Variants in PRDM15 observed in about 807,000 individuals in gnomAD.
PRDM15 encodes the protein PR/SET domain 15.
A neutral mutation model predicts 128.6 loss-of-function variants in PRDM15; 64 were observed. That is an observed-to-expected ratio of 0.50 (90% CI 0.41 to 0.61). PRDM15 has a LOEUF of 0.61. PRDM15 is among the 20% of genes least tolerant of loss of function. The probability of loss-of-function intolerance (pLI) is 0.00; values close to 1 mark genes in which losing one functional copy is unlikely to be tolerated. For missense variants in PRDM15, 1,242 were observed against 1,569.1 expected, an observed-to-expected ratio of 0.79 and a Z score of 3.52; for synonymous variants, 615 against 621.8, an observed-to-expected ratio of 0.99 and a Z score of 0.16.
At chr21:41,843,950 TA>T (rs1555883669) in intron 6 of PRDM15, among the ~76,000 whole-genome samples, 16,630 of 122,994 alleles carry the variant, frequency 0.14, 1,216 homozygotes, top group East Asian at 0.24. Context: ...CCTTGTATTG[TA>T]AAAAAAAAAA....
At chr21:41,855,789 C>T (rs1185147162) in intron 4 of PRDM15, among the ~76,000 whole-genome samples, 4 of 152,222 alleles carry the variant, frequency 2.6e-5, no homozygotes, top group South Asian at 2.1e-4. Flanking sequence ...CTGTGTACGT[C>T]GACCGGATGG....
At chr21:41,837,205 A>G (rs2062923676) in intron 8 of PRDM15, among the ~76,000 whole-genome samples, 1 of 152,248 alleles carries the variant, frequency 6.6e-6, no homozygotes, top group Non-Finnish European at 1.5e-5. Flanking sequence ...GGTAAAAATG[A>G]CCCAAGAATC....
intron 1 of PRDM15, among the ~76,000 whole-genome samples, chr21:41,875,894 T>C (rs1466608989): frequency 2.0e-5 from 3 of 152,188 alleles, no homozygotes; most frequent in South Asian, 2.1e-4. Flanking sequence ...CTATGGGATT[T>C]TGTAGTTGTG....
intron 11 of PRDM15, chr21:41,834,601 C>A (rs4920074): frequency 9.9e-6 from 15 of 1,509,734 alleles, no homozygotes; most frequent in Non-Finnish European, 1.3e-5. Context: ...CAGTGACTCA[C>A]CCCTCTGTGC....
chr21:41,866,777 C>T (rs2064022833), intron 1 of PRDM15, among the ~76,000 whole-genome samples: 1 of 152,202 alleles, frequency 6.6e-6, no homozygotes, highest in African/African-American at 2.4e-5. Context: ...AACGCTTCCC[C>T]CCTTCCACAC....
At position 41,839,818 on chromosome 21, in the gene PRDM15, G is replaced by C. The variant is rs1240550534; in HGVS notation, c.676C>G (p.Leu226Val). Residue 226 changes from leucine (L) to valine (V), a missense_variant, in exon 7 of 24, where the codon CTT (leucine) becomes GTT (valine). Leu to Val is a conservative substitution (Grantham distance 32, BLOSUM62 1). Transcript: ENST00000398548. ...LLGHLEQAKS[L>V]PPGSQSEAAA... The stretch of plus-strand genomic sequence containing the variant: ...GCCTCGCTTTGGCTGCCTGGAGGAA[G>C]GCTTTTGGCTTGTTCTAAGTGGCCC... The C allele has an allele frequency of 1.2e-6, 2 of 1,614,254 alleles. No homozygotes were observed. Among genetic ancestry groups the C allele is most frequent in the African/African-American group, 1.3e-5 (1 of 75,070 alleles).
At chr21:41,848,693 C>T (rs1276584515) in intron 5 of PRDM15, among the ~76,000 whole-genome samples, 1 of 152,170 alleles carries the variant, frequency 6.6e-6, no homozygotes, top group African/African-American at 2.4e-5. Context: ...TCTTCGAATC[C>T]ACGTGGGCCA....
rs1370527613 is a variant in PRDM15 at position 41,857,966 on chromosome 21, G to A, written c.132-637C>T. ...CACTGAAGGATGGGTTTAATTCCCC[G>A]TGGGAAAGACAGTGCCAACAGGTGC... On this transcript the variant is annotated intron_variant, in intron 3 of 23. Transcript: ENST00000398548. Among the ~76,000 whole-genome samples the A allele has an allele frequency of 5.3e-5, 8 of 152,158 alleles. No homozygotes were observed. The East Asian group carries it at 5.8e-4, about 11-fold the overall frequency.
chr21:41,850,798 A>G (rs2146753150), intron 5 of PRDM15, among the ~76,000 whole-genome samples: 1 of 152,034 alleles, frequency 6.6e-6, no homozygotes, highest in African/African-American at 2.4e-5. Flanking sequence ...AAAAAATAAT[A>G]AGTTACTTTT....
rs749331613 is a variant in PRDM15, at chr21:41,828,243, T to C, written c.1457A>G (p.Lys486Arg). Residue 486 changes from lysine to arginine, a missense_variant, in exon 12 of 24, where the codon AAG (lysine) becomes AGG (arginine). Around this residue, in one of 3 missense-constraint regions of PRDM15, gnomAD observed 612 missense variants for 717.0 expected, o/e 0.85. Transcript: ENST00000398548. The surrounding 1 kb of genome is among the most constrained non-coding windows in gnomAD (Gnocchi z 5.7). ...CTTGCTGCAGACCTCACAGGCAAAC[T>C]TCTTGTCGCCGTGCTTCTTCTTGTG... ...SKHKKKHGDKKFACEVCSKMF... is the reference protein window; with the variant it reads ...SKHKKKHGDKRFACEVCSKMF... 1 of 1,614,036 alleles carries C rather than the reference T, an allele frequency of 6.2e-7. No individual in the cohort carries two copies. Among genetic ancestry groups the C allele is most frequent in the South Asian group, 1.1e-5 (1 of 91,084 alleles).
intron 1 of PRDM15, chr21:41,878,822 G>A: frequency 9.3e-7 from 1 of 1,073,576 alleles, no homozygotes; most frequent in East Asian, 4.3e-5. Flanking sequence ...CCGCCCGGCG[G>A]CGGGGGCCGC....
chr21:41,878,896 C>T, intron 1 of PRDM15: 2 of 952,644 alleles, frequency 2.1e-6, no homozygotes, highest in Non-Finnish European at 2.5e-6. Context: ...GGCCCGGCAG[C>T]CCCGCGGCCC....
At chr21:41,878,768 G>A (rs75817094) in intron 1 of PRDM15, 3 of 1,467,618 alleles carry the variant, frequency 2.0e-6, no homozygotes, top group East Asian at 2.7e-5. Flanking sequence ...GGCTGTACCC[G>A]AGGGCGGGGG....
At chr21:41,801,761 G>A (rs777817443) in intron 23 of PRDM15, 39 bp from the exon 24 acceptor site, 42 of 1,584,264 alleles carry the variant, frequency 2.7e-5, no homozygotes, top group Non-Finnish European at 3.4e-5. Flanking sequence ...GTTCATTTTT[G>A]CAAAATGGGG....
rs776172496 is a variant in PRDM15 at position 41,810,739 on chromosome 21, G to C, written c.2476+14C>G. 6.2e-7 allele frequency: 1 copy of C among 1,612,824 alleles called. No homozygotes were observed. The highest frequency in any genetic ancestry group is 2.2e-5 in the East Asian group (1 of 44,876). On this transcript the variant is annotated intron_variant, in intron 20 of 23. Transcript: ENST00000398548. The surrounding 1 kb of genome is among the most constrained non-coding windows in gnomAD (Gnocchi z 6.4). ...GCGTGCGCCCCGAAGGCTCCTTCAG[G>C]CTGCGCCGCTCACCTGTGTGGATGA...
At chr21:41,820,967 G>C in intron 16 of PRDM15, 100 bp downstream of exon 16, 1 of 1,474,626 alleles carries the variant, frequency 6.8e-7, no homozygotes, top group Non-Finnish European at 9.4e-7. Flanking sequence ...GACATCACTT[G>C]TTGGAAGCTA....
In PRDM15 at chr21:41,818,960, T is replaced by G. The variant is rs573021088; in HGVS notation, c.2260+622A>C. 2.6e-5 allele frequency among the ~76,000 whole-genome samples: 4 copies of G among 152,306 alleles called. No homozygotes were observed. In the East Asian group the frequency reaches 7.7e-4, roughly 29 times the overall value. ...TCTCACCACGCAGCCGATTCTAGTC[T>G]GCGTAGTGAATACGCTGAGGGTTTT... On this transcript the variant is annotated intron_variant, in intron 18 of 23. Coordinates refer to ENST00000398548, the MANE Select transcript of PRDM15 (RefSeq NM_001040424.3).
rs746817799 is a variant in PRDM15 at position 41,804,626 on chromosome 21, A to G, written c.2653-12T>C. 7.1e-6 allele frequency: 11 copies of G among 1,545,946 alleles called. No homozygotes were observed. The highest frequency in any genetic ancestry group is 1.9e-4 in the Middle Eastern group (1 of 5,180). Reference sequence around the variant, plus strand: ...CTCACCGCGAGCACCTATGAGGAGCACAGGGCATGAGCTGGGGGTCAGGGT... The same window carrying G: ...CTCACCGCGAGCACCTATGAGGAGCGCAGGGCATGAGCTGGGGGTCAGGGT... On this transcript the variant is annotated splice_polypyrimidine_tract_variant and intron_variant, in intron 21 of 23. Transcript: ENST00000398548.
At chr21:41,874,529 T>TTTTTTTTTTTG (rs2064340937) in intron 1 of PRDM15, among the ~76,000 whole-genome samples, 1 of 133,428 alleles carries the variant, frequency 7.5e-6, no homozygotes, top group African/African-American at 2.7e-5. Flanking sequence ...ATATATATTT[T>TTTTTTTTTTTG]TTTTTTTTTT....
Sources: allele counts gnomAD v4.1 joint callset (sites outside exome capture counted in the v4.1 genomes callset), GRCh38; gene constraint gnomAD v4.1.1; regional missense constraint gnomAD v4.1.1; non-coding constraint Gnocchi (gnomAD v3.1); transcripts MANE v1.5; gene names NCBI Gene and HGNC (gene_info 2026-07-23, HGNC 2026-07-21).